Variants in CSMD1 observed in about 807,000 individuals in gnomAD.
CSMD1 encodes CUB and Sushi multiple domains 1, also known as CUB and sushi domain-containing protein 1.
In CSMD1, 213 loss-of-function variants were observed where a neutral mutation model predicts 417.5. The ratio of observed to expected loss-of-function variants is 0.51; its 90% CI spans 0.46 to 0.57. CSMD1 has a LOEUF of 0.57. Among genes scored for constraint, CSMD1 ranks in the 20% least tolerant of loss-of-function variants. The pLI, the probability that CSMD1 is intolerant of heterozygous loss-of-function variation, is 0.00. For synonymous variants in CSMD1, 2,862 were observed against 1,736.8 expected, an observed-to-expected ratio of 1.65 and a Z score of -16.11; for missense variants, 6,923 against 4,529.7, an observed-to-expected ratio of 1.53 and a Z score of -15.17.
At chr8:4,659,887 C>A (rs1207915561) in intron 1 of CSMD1, among the ~76,000 whole-genome samples, 2 of 151,674 alleles carry the variant, frequency 1.3e-5, no homozygotes, top group Non-Finnish European at 2.9e-5. Flanking sequence ...AAATCATGTC[C>A]ATCAGGGAAA....
chr8:3,831,420 G>A (rs936715330), intron 5 of CSMD1, among the ~76,000 whole-genome samples: 2 of 152,060 alleles, frequency 1.3e-5, no homozygotes, highest in Non-Finnish European at 2.9e-5. Context: ...AATGACCAAA[G>A]CTATATTAAA....
chr8:4,346,825 G>C (rs918544389), intron 3 of CSMD1, among the ~76,000 whole-genome samples: 3 of 152,182 alleles, frequency 2.0e-5, no homozygotes, highest in South Asian at 4.1e-4. Context: ...AGAAATCCAA[G>C]GGGATTGAGA....
intron 3 of CSMD1, among the ~76,000 whole-genome samples, chr8:4,101,082 C>A (rs1402702313): frequency 6.6e-6 from 1 of 152,136 alleles, no homozygotes; most frequent in Non-Finnish European, 1.5e-5. Flanking sequence ...GCGCTGGGTT[C>A]AGAACTATGC....
chr8:3,031,568 T>G (rs1312728622), intron 50 of CSMD1, among the ~76,000 whole-genome samples: 1 of 152,134 alleles, frequency 6.6e-6, no homozygotes, highest in Non-Finnish European at 1.5e-5. Flanking sequence ...CTTTGTTGTT[T>G]CCTTGTTGTT....
chr8:4,685,946 T>A (rs1022540499), intron 1 of CSMD1, among the ~76,000 whole-genome samples: 1 of 152,234 alleles, frequency 6.6e-6, no homozygotes, highest in African/African-American at 2.4e-5. Context: ...TTAAAAGCAC[T>A]GACGTTGTTA....
chr8:3,648,653 C>G (rs1797695431), intron 7 of CSMD1, among the ~76,000 whole-genome samples: 1 of 152,142 alleles, frequency 6.6e-6, no homozygotes, highest in Non-Finnish European at 1.5e-5. Flanking sequence ...ACAAACTGAC[C>G]TTACTTTGAA....
chr8:4,561,801 G>C (rs1182845739), intron 2 of CSMD1, among the ~76,000 whole-genome samples: 1 of 152,188 alleles, frequency 6.6e-6, no homozygotes, highest in African/African-American at 2.4e-5. Flanking sequence ...ATGAGGCAGA[G>C]GTTATGAACA....
chr8:3,387,934 A>G (rs1389005363), intron 17 of CSMD1, among the ~76,000 whole-genome samples: 1 of 152,208 alleles, frequency 6.6e-6, no homozygotes, highest in Non-Finnish European at 1.5e-5. Flanking sequence ...TGAATAATTA[A>G]TTAACTTCTC....
At chr8:3,100,417 T>G (rs1229885543) in intron 46 of CSMD1, among the ~76,000 whole-genome samples, 2 of 152,206 alleles carry the variant, frequency 1.3e-5, no homozygotes, top group African/African-American at 4.8e-5. Context: ...CTCCTTCTCC[T>G]CAGTGTTATA....
chr8:3,511,762 AATAACATAACATAAC>A (rs200325169), intron 10 of CSMD1, among the ~76,000 whole-genome samples: 6,372 of 138,334 alleles, frequency 0.046, 255 homozygotes, highest in African/African-American at 0.096. Context: ...TCTCTAAAAA[AATAACATAACATAAC>A]ATAACATAAC....
intron 7 of CSMD1, among the ~76,000 whole-genome samples, chr8:3,675,078 C>T (rs940268846): frequency 2.0e-5 from 3 of 152,134 alleles, no homozygotes; most frequent in African/African-American, 2.4e-5. Flanking sequence ...CGAATACCGT[C>T]GACCATAAAA....
intron 6 of CSMD1, among the ~76,000 whole-genome samples, chr8:3,741,680 G>A (rs370124063): frequency 5.0e-4 from 76 of 152,286 alleles, no homozygotes; most frequent in Admixed American, 9.2e-4. Flanking sequence ...TTCTAACTGG[G>A]AAATTAACAC....
intron 3 of CSMD1, among the ~76,000 whole-genome samples, chr8:4,339,864 A>T (rs542246715): frequency 2.0e-5 from 3 of 152,156 alleles, no homozygotes; most frequent in Admixed American, 2.0e-4. Context: ...TCTCTACAAA[A>T]ACTTAAAAAA....
Position 4,184,824 on chromosome 8 carries a change from G to C in CSMD1, c.416-152725C>G, listed in dbSNP as rs143910814. On this transcript the variant is annotated intron_variant, in intron 3 of 69. Coordinates refer to ENST00000635120, the MANE Select transcript of CSMD1 (RefSeq NM_033225.6). ...TTACTTATATAGGAAACATGCACAT[G>C]TACCCCTGAATTTAAAATACCCCAA... Among the ~76,000 whole-genome samples, 6 of 152,072 alleles carry C rather than the reference G, an allele frequency of 3.9e-5. No individual in the cohort carries two copies. The East Asian group carries it at 1.2e-3, about 30-fold the overall frequency.
intron 2 of CSMD1, among the ~76,000 whole-genome samples, chr8:4,636,859 G>C (rs561045296): frequency 6.6e-6 from 1 of 152,138 alleles, no homozygotes; most frequent in East Asian, 1.9e-4. Flanking sequence ...GAACTTTTCT[G>C]TCTTACAAGA....
At chr8:4,854,787 C>G (rs943471536) in intron 1 of CSMD1, among the ~76,000 whole-genome samples, 1 of 152,164 alleles carries the variant, frequency 6.6e-6, no homozygotes, top group Non-Finnish European at 1.5e-5. Flanking sequence ...TCGCTGATTG[C>G]TAGCACAGCA....
intron 3 of CSMD1, among the ~76,000 whole-genome samples, chr8:4,051,683 G>C (rs1038876550): frequency 3.3e-5 from 5 of 152,024 alleles, no homozygotes; most frequent in Admixed American, 6.6e-5. Flanking sequence ...TACTGATCAA[G>C]GCCAATTTAT....
chr8:3,401,784 C>T (rs1010332439), intron 15 of CSMD1, among the ~76,000 whole-genome samples: 2 of 152,130 alleles, frequency 1.3e-5, no homozygotes, highest in Non-Finnish European at 1.5e-5. Context: ...TTGACCAGAA[C>T]CCATGACAAG....
At chr8:4,952,279 C>T (rs540046620) in intron 1 of CSMD1, among the ~76,000 whole-genome samples, 143 of 151,862 alleles carry the variant, frequency 9.4e-4, no homozygotes, top group African/African-American at 3.3e-3. Context: ...GATAATAAAA[C>T]GCAACAAATA....
Sources: allele counts gnomAD v4.1 joint callset (sites outside exome capture counted in the v4.1 genomes callset), GRCh38; gene constraint gnomAD v4.1.1; transcripts MANE v1.5; gene names NCBI Gene and HGNC (gene_info 2026-07-23, HGNC 2026-07-21).